SNX14: variants seen among roughly 807,000 people sequenced by gnomAD.
SNX14 encodes the protein sorting nexin 14.
A neutral mutation model predicts 133.8 loss-of-function variants in SNX14; 93 were observed. The ratio of observed to expected loss-of-function variants is 0.70; its 90% confidence interval spans 0.59 to 0.83. SNX14 has a LOEUF of 0.83. Among genes scored for constraint, SNX14 ranks in the 40% least tolerant of loss-of-function variants. The pLI is 0.00. For synonymous variants in SNX14, 368 were observed against 365.6 expected (o/e 1.01, Z -0.07); for missense variants, 945 against 1,094.9 (o/e 0.86, Z 1.93).
chr6:85,585,990 G>GAA (rs536086390), intron 1 of SNX14, among the ~76,000 whole-genome samples: 38 of 75,096 alleles, frequency 5.1e-4, no homozygotes, highest in African/African-American at 6.6e-4. Flanking sequence ...CCCGCAACAG[G>GAA]AAAAAAAAAA....
At chr6:85,566,906 TC>T (rs1794047937) in intron 5 of SNX14, among the ~76,000 whole-genome samples, 1 of 152,036 alleles carries the variant, frequency 6.6e-6, no homozygotes, top group Non-Finnish European at 1.5e-5. Context: ...TTCTGTCAAA[TC>T]TAAAGTATTT....
intron 12 of SNX14, among the ~76,000 whole-genome samples, chr6:85,544,170 C>T (rs934021149): frequency 7.2e-5 from 11 of 151,996 alleles, no homozygotes; most frequent in African/African-American, 1.9e-4. Context: ...CTATCATGAA[C>T]GCTGCAAACT....
At chr6:85,520,088 C>T (rs1405416226) in intron 21 of SNX14, among the ~76,000 whole-genome samples, 6 of 151,700 alleles carry the variant, frequency 4.0e-5, no homozygotes, top group African/African-American at 1.2e-4. Context: ...CTCACTCTGT[C>T]GCCCAGGCTG....
chr6:85,566,372 G>A (rs1374490160), intron 5 of SNX14, among the ~76,000 whole-genome samples: 1 of 152,046 alleles, frequency 6.6e-6, no homozygotes, highest in Non-Finnish European at 1.5e-5. Flanking sequence ...AACACTCTGG[G>A]TGAATTCAAC....
At chr6:85,523,591 G>A (rs771060365) in intron 21 of SNX14, among the ~76,000 whole-genome samples, 7 of 152,160 alleles carry the variant, frequency 4.6e-5, no homozygotes, top group Non-Finnish European at 1.0e-4. Flanking sequence ...GAGCAACACG[G>A]TGAAACCCCA....
intron 1 of SNX14, among the ~76,000 whole-genome samples, chr6:85,588,341 A>C (rs541923842): frequency 6.6e-6 from 1 of 152,090 alleles, no homozygotes; most frequent in Non-Finnish European, 1.5e-5. Context: ...TGGGAGGCCG[A>C]GGCAGGCAGA....
At chr6:85,512,260 C>T (rs141206521) in intron 26 of SNX14, among the ~76,000 whole-genome samples, 1 of 152,242 alleles carries the variant, frequency 6.6e-6, no homozygotes, top group Non-Finnish European at 1.5e-5. Context: ...GCCAGAAGCA[C>T]ATGGGGATTT....
chr6:85,555,920 G>A (rs978770214), intron 7 of SNX14, among the ~76,000 whole-genome samples: 5 of 151,990 alleles, frequency 3.3e-5, no homozygotes, highest in East Asian at 1.9e-4. Flanking sequence ...CCTGGGAAGT[G>A]GAGGTTGCAG....
At chr6:85,549,376 A>G (rs1786957035) in intron 8 of SNX14, among the ~76,000 whole-genome samples, 1 of 152,122 alleles carries the variant, frequency 6.6e-6, no homozygotes, top group Non-Finnish European at 1.5e-5. Context: ...GTTTGTTCAA[A>G]TGTTTCTGCC....
chr6:85,561,675 C>CCCA (rs761142823), intron 6 of SNX14, among the ~76,000 whole-genome samples: 26 of 152,196 alleles, frequency 1.7e-4, no homozygotes, highest in Non-Finnish European at 2.8e-4. Context: ...TCAGCATCAG[C>CCCA]CCACCACCAC....
At position 85,547,476 on chromosome 6, in the gene SNX14, G is replaced by A. The variant is rs770112117; in HGVS notation, c.912+30C>T. 3 of 1,604,570 alleles carry A rather than the reference G, an allele frequency of 1.9e-6. No individual in the cohort carries two copies. In the South Asian group the frequency reaches 3.4e-5, roughly 18 times the overall value. ...ACAAAATCAAAATTCAATGCAATCT[G>A]AAGTGTTTTCTAATATATTCAATAC... On this transcript the variant is annotated intron_variant, in intron 10 of 28. Transcript: ENST00000314673.
chr6:85,573,654 A>T (rs1562378493), intron 2 of SNX14, among the ~76,000 whole-genome samples: 1 of 152,172 alleles, frequency 6.6e-6, no homozygotes, highest in Non-Finnish European at 1.5e-5. Context: ...AAGCACACAA[A>T]CATTTAAGAA....
intron 1 of SNX14, among the ~76,000 whole-genome samples, chr6:85,580,545 C>T (rs1798722565): frequency 6.6e-6 from 1 of 152,002 alleles, no homozygotes; most frequent in Admixed American, 6.6e-5. Flanking sequence ...TTGGGGTCCC[C>T]AATTCCAGGC....
At chr6:85,539,935 T>TTTTTATTTTATTTTA (rs147235178) in intron 15 of SNX14, among the ~76,000 whole-genome samples, 5,202 of 136,554 alleles carry the variant, frequency 0.038, 155 homozygotes, top group African/African-American at 0.052. Context: ...CGAAGCAAGC[T>TTTTTATTTTATTTTA]TTTTATTTTA....
chr6:85,541,292 C>T (rs949293388), intron 15 of SNX14, among the ~76,000 whole-genome samples: 1 of 152,182 alleles, frequency 6.6e-6, no homozygotes, highest in Admixed American at 6.5e-5. Context: ...CGTGCCCGGC[C>T]ATTAACATTC....
intron 1 of SNX14, among the ~76,000 whole-genome samples, chr6:85,583,265 ATAAGAGT>A (rs1799611072): frequency 6.6e-6 from 1 of 152,210 alleles, no homozygotes; most frequent in South Asian, 2.1e-4. Context: ...TCTCAAAATA[ATAAGAGT>A]TATTTATGAC....
In SNX14 at chr6:85,514,508, A is replaced by G; in HGVS notation, c.2390T>C (p.Val797Ala). Residue 797 changes from valine (V) to alanine (A), a missense_variant and splice_region_variant, in exon 24 of 29, where the codon GTA becomes GCA. Val to Ala is a moderately conservative substitution (Grantham distance 64, BLOSUM62 0). Coordinates refer to ENST00000314673, the MANE Select transcript of SNX14 (RefSeq NM_153816.6). ...VEGVYDYLMY[V>A]GRVVFQVPDW... Reference sequence around the variant, plus strand: ...GTCTTAAACCACTTAGATCTTACCTACATACATCAGGTAATCATAGACTCC... The same window carrying G: ...GTCTTAAACCACTTAGATCTTACCTGCATACATCAGGTAATCATAGACTCC... 1 of 1,613,114 alleles carries G rather than the reference A, an allele frequency of 6.2e-7. No individual in the cohort carries two copies. The highest frequency in any genetic ancestry group is 8.5e-7 in the Non-Finnish European group (1 of 1,179,638).
chr6:85,509,580 G>C (rs1370849996), intron 26 of SNX14, among the ~76,000 whole-genome samples: 1 of 152,158 alleles, frequency 6.6e-6, no homozygotes, highest in African/African-American at 2.4e-5. Context: ...AGAAGGAAGA[G>C]ATTTCGCATA....
chr6:85,582,827 A>G (rs1348745250), intron 1 of SNX14, among the ~76,000 whole-genome samples: 2 of 152,200 alleles, frequency 1.3e-5, no homozygotes, highest in Admixed American at 1.3e-4. Flanking sequence ...ATTCACAGCC[A>G]AATTCTACCA....
Sources: gnomAD v4.1 joint callset for allele counts (sites outside exome capture counted in the v4.1 genomes callset) on GRCh38, gnomAD v4.1.1 for gene constraint, MANE v1.5 for transcripts, NCBI Gene and HGNC (gene_info 2026-07-23, HGNC 2026-07-21) for gene names.